HSD17B3: variants seen among roughly 807,000 people sequenced by gnomAD.
HSD17B3 encodes 17-beta-hydroxysteroid dehydrogenase type 3.
HSD17B3 carries 29 observed loss-of-function variants against 41.1 expected under a neutral mutation model. That is an observed-to-expected ratio of 0.71 (90% CI 0.53 to 0.96). HSD17B3 has a LOEUF of 0.96. Ranked by LOEUF, HSD17B3 falls within the 40% of genes least tolerant of loss-of-function variation. The pLI is 0.00. For synonymous variants in HSD17B3, 126 were observed against 145.6 expected, an observed-to-expected ratio of 0.87 and a Z score of 0.97; for missense variants, 323 against 374.6, an observed-to-expected ratio of 0.86 and a Z score of 1.14.
chr9:96,262,441 A>C (rs750595773), intron 2 of HSD17B3, among the ~76,000 whole-genome samples: 26 of 151,600 alleles, frequency 1.7e-4, no homozygotes, highest in Non-Finnish European at 3.1e-4. Flanking sequence ...ACGGGGTTTC[A>C]CGGGGTTTTG....
chr9:96,292,633 C>T (rs1351132861), intron 2 of HSD17B3, among the ~76,000 whole-genome samples: 1 of 152,202 alleles, frequency 6.6e-6, no homozygotes, highest in Non-Finnish European at 1.5e-5. Flanking sequence ...CAGGCAGGAG[C>T]CACCACACCG....
At chr9:96,239,006 G>A (rs1836332077) in intron 10 of HSD17B3, among the ~76,000 whole-genome samples, 1 of 152,252 alleles carries the variant, frequency 6.6e-6, no homozygotes, top group African/African-American at 2.4e-5. Context: ...GTGGATCAAA[G>A]CTGCAGATGG....
intron 2 of HSD17B3, among the ~76,000 whole-genome samples, chr9:96,280,413 C>A (rs1488278011): frequency 6.6e-6 from 1 of 152,142 alleles, no homozygotes. Flanking sequence ...GGCTAGCAAG[C>A]CTTCTAATGA....
intron 5 of HSD17B3, chr9:96,250,459 C>A: frequency 9.4e-7 from 1 of 1,062,984 alleles, no homozygotes; most frequent in Non-Finnish European, 1.1e-6. Flanking sequence ...GCAGCAGACT[C>A]GGGGCTTACA....
intron 2 of HSD17B3, among the ~76,000 whole-genome samples, chr9:96,289,259 C>T (rs541020385): frequency 2.6e-4 from 39 of 151,208 alleles, no homozygotes; most frequent in Admixed American, 7.3e-4. Context: ...GGGGAGACTG[C>T]GTGTGTGGGG....
intron 9 of HSD17B3, 44 bp downstream of exon 9, chr9:96,244,285 C>T (rs774496767): frequency 7.5e-6 from 12 of 1,600,300 alleles, no homozygotes; most frequent in Non-Finnish European, 3.4e-6. Flanking sequence ...CAGCCGCCCA[C>T]CTCACCTGGA....
chr9:96,301,877 T>C (rs1482394926), intron 1 of HSD17B3, 74 bp downstream of exon 1: 1 of 1,509,558 alleles, frequency 6.6e-7, no homozygotes, highest in Non-Finnish European at 9.2e-7. Context: ...CAAGTGTCTG[T>C]CTCAAAAATA....
chr9:96,277,244 G>T (rs989691748), intron 2 of HSD17B3, among the ~76,000 whole-genome samples: 8 of 151,836 alleles, frequency 5.3e-5, no homozygotes, highest in African/African-American at 1.7e-4. Context: ...AAGCATCTGT[G>T]CAGCAAAGGA....
At chr9:96,251,554 A>G (rs879244927) in intron 4 of HSD17B3, 69 bp from the exon 5 acceptor site, 1 of 1,377,068 alleles carries the variant, frequency 7.3e-7, no homozygotes, top group Non-Finnish European at 1.0e-6. Flanking sequence ...AGAACCATGT[A>G]CAAAAAGATT....
chr9:96,295,512 G>A lies in HSD17B3; in HGVS notation c.201+2904C>T, dbSNP rs79736802. Among the ~76,000 whole-genome samples the A allele has an allele frequency of 0.015, 2,320 of 150,538 alleles. 191 individuals carry two copies. In the East Asian group the frequency reaches 0.25, roughly 16 times the overall value. On this transcript the variant is annotated intron_variant, in intron 2 of 10. Transcript: ENST00000375263. ...ACCACACCCAGCTAATTTTTGTATT[G>A]TAAGTAGAGACGGAGTTTCACCATG...
intron 2 of HSD17B3, among the ~76,000 whole-genome samples, chr9:96,259,974 T>A (rs1262585673): frequency 6.6e-6 from 1 of 152,308 alleles, no homozygotes; most frequent in East Asian, 1.9e-4. Flanking sequence ...TTTGTCCTCA[T>A]GATCTTGGCA....
At chr9:96,277,102 G>C (rs1826492678) in intron 2 of HSD17B3, among the ~76,000 whole-genome samples, 1 of 151,888 alleles carries the variant, frequency 6.6e-6, no homozygotes, top group African/African-American at 2.4e-5. Context: ...GCAGGAGGCT[G>C]AGGCAGAAGA....
chr9:96,271,418 C>T (rs1458782417), intron 2 of HSD17B3, among the ~76,000 whole-genome samples: 1 of 152,112 alleles, frequency 6.6e-6, no homozygotes, highest in African/African-American at 2.4e-5. Context: ...GCTGCTGGGG[C>T]TAAAACTTGT....
At chr9:96,264,707 A>G (rs1279250264) in intron 2 of HSD17B3, among the ~76,000 whole-genome samples, 1 of 152,178 alleles carries the variant, frequency 6.6e-6, no homozygotes. Flanking sequence ...GTAGACCTAT[A>G]TTTTGATGGA....
At chr9:96,266,760 A>C (rs911671740) in intron 2 of HSD17B3, among the ~76,000 whole-genome samples, 2 of 152,166 alleles carry the variant, frequency 1.3e-5, no homozygotes, top group Non-Finnish European at 2.9e-5. Flanking sequence ...AGAAGTCATC[A>C]GCCCCAGATG....
chr9:96,269,286 T>C (rs1039629877), intron 2 of HSD17B3, among the ~76,000 whole-genome samples: 59 of 152,216 alleles, frequency 3.9e-4, no homozygotes, highest in African/African-American at 1.4e-3. Context: ...ATGCAGTCTG[T>C]CACTGACCAA....
chr9:96,255,367 CTTTT>C (rs869145717), intron 2 of HSD17B3, among the ~76,000 whole-genome samples: 19 of 54,554 alleles, frequency 3.5e-4, no homozygotes, highest in Admixed American at 1.1e-3. Flanking sequence ...CCCAACATTT[CTTTT>C]TTTTTTTTTT....
Position 96,266,084 on chromosome 9 carries a change from T to C in HSD17B3, c.202-11141A>G, listed in dbSNP as rs146581541. 1.7e-3 allele frequency among the ~76,000 whole-genome samples: 255 copies of C among 152,298 alleles called. 1 individual carries two copies. Among genetic ancestry groups the C allele is most frequent in the African/African-American group, 5.9e-3 (244 of 41,544 alleles). On this transcript the variant is annotated intron_variant, in intron 2 of 10. Coordinates refer to ENST00000375263, the MANE Select transcript of HSD17B3 (RefSeq NM_000197.2). ...AGCACACAATATGAGGAATTTTAAA[T>C]GAGCATAATTAGAGATACAGGCAAG...
At chr9:96,256,929 G>A (rs1276334098) in intron 2 of HSD17B3, among the ~76,000 whole-genome samples, 1 of 152,082 alleles carries the variant, frequency 6.6e-6, no homozygotes, top group Non-Finnish European at 1.5e-5. Flanking sequence ...ATTTCTTATG[G>A]ATTAACACCA....
Sources: gnomAD v4.1 joint callset for allele counts (sites outside exome capture counted in the v4.1 genomes callset) on GRCh38, gnomAD v4.1.1 for gene constraint, MANE v1.5 for transcripts, NCBI Gene and HGNC (gene_info 2026-07-23, HGNC 2026-07-21) for gene names.